RP1: variants seen among roughly 807,000 people sequenced by gnomAD.
RP1 encodes oxygen-regulated protein 1.
A neutral mutation model predicts 14.8 loss-of-function variants in RP1; 16 were observed. That is an observed-to-expected ratio of 1.08 (90% confidence interval 0.73 to 1.65). The LOEUF is 1.65. RP1 is among the 40% of genes most tolerant of loss of function. RP1 has a pLI of 0.00. For synonymous variants in RP1, 876 were observed against 883.6 expected (o/e 0.99, Z 0.15); for missense variants, 2,631 against 2,535.0 (o/e 1.04, Z -0.81).
chr8:54,832,456 ATTTTCAC>A (rs1347917138), intron 24 of RP1, among the ~76,000 whole-genome samples: 6 of 151,072 alleles, frequency 4.0e-5, no homozygotes, highest in Non-Finnish European at 7.4e-5. Flanking sequence ...TAGATCTAGG[ATTTTCAC>A]TTTTTTAATA....
Position 54,618,790 on chromosome 8 carries a change from A to G in RP1, c.-12-2165A>G, listed in dbSNP as rs540573542. On this transcript the variant is annotated intron_variant, in intron 1 of 3. Coordinates refer to ENST00000220676, the MANE Select transcript of RP1 (RefSeq NM_006269.2). ...CCTGCCTCAGCCTCCCGAGTAGAGT[A>G]GCTGGGACTACAAGCACACGCCACC... 3.3e-5 allele frequency among the ~76,000 whole-genome samples: 5 copies of G among 152,202 alleles called. No homozygotes were observed. The East Asian group carries it at 7.7e-4, about 24-fold the overall frequency.
intron 1 of RP1, among the ~76,000 whole-genome samples, chr8:54,608,885 G>C (rs543845210): frequency 6.6e-6 from 1 of 152,256 alleles, no homozygotes; most frequent in South Asian, 2.1e-4. Context: ...TGAAGATGGG[G>C]GCTGGGACTG....
chr8:54,864,678 A>G (rs1009811426), intron 27 of RP1, among the ~76,000 whole-genome samples: 5 of 152,194 alleles, frequency 3.3e-5, no homozygotes, highest in Admixed American at 3.3e-4. Context: ...TGAAGGGGAA[A>G]GGTTAATTCT....
intron 24 of RP1, among the ~76,000 whole-genome samples, chr8:54,828,766 G>A (rs1244968715): frequency 6.6e-6 from 1 of 151,620 alleles, no homozygotes. Flanking sequence ...CCACAAACAC[G>A]TGAGTAATGT....
chr8:54,613,488 T>C (rs577371106), upstream of RP1, among the ~76,000 whole-genome samples: 5 of 152,248 alleles, frequency 3.3e-5, 1 homozygote, highest in South Asian at 6.2e-4. Context: ...ATATATAAGG[T>C]ATTGAGCTGT....
chr8:54,662,792 C>T (rs1388869573), intron 6 of RP1, among the ~76,000 whole-genome samples: 1 of 152,050 alleles, frequency 6.6e-6, no homozygotes, highest in Non-Finnish European at 1.5e-5. Flanking sequence ...GGTCTTCTTC[C>T]CCATTCCTCC....
intron 17 of RP1, among the ~76,000 whole-genome samples, chr8:54,733,383 T>G (rs749404854): frequency 6.6e-6 from 1 of 152,188 alleles, no homozygotes; most frequent in Non-Finnish European, 1.5e-5. Flanking sequence ...CCACAGAGAT[T>G]ACCCAGAGCT....
chr8:54,843,298 T>C (rs1330148906), intron 25 of RP1, among the ~76,000 whole-genome samples: 1 of 152,172 alleles, frequency 6.6e-6, no homozygotes, highest in Non-Finnish European at 1.5e-5. Flanking sequence ...GCCAGGCTGG[T>C]CTCAAACTCC....
intron 12 of RP1, among the ~76,000 whole-genome samples, chr8:54,682,635 T>A (rs1350944038): frequency 6.6e-6 from 1 of 152,016 alleles, no homozygotes; most frequent in East Asian, 1.9e-4. Flanking sequence ...TTAATTTACA[T>A]TTCTCTAATG....
chr8:54,827,705 C>T (rs911894629), intron 24 of RP1, among the ~76,000 whole-genome samples: 4 of 152,054 alleles, frequency 2.6e-5, no homozygotes, highest in African/African-American at 9.7e-5. Flanking sequence ...CCAGACCAGC[C>T]TGGCCAACAC....
chr8:54,771,345 G>A (rs762969188), downstream of RP1, among the ~76,000 whole-genome samples: 1 of 151,968 alleles, frequency 6.6e-6, no homozygotes, highest in Non-Finnish European at 1.5e-5. Context: ...ACTTGGTGGG[G>A]CATATGTGGG....
chr8:54,732,919 T>C (rs1808827587), intron 17 of RP1, among the ~76,000 whole-genome samples: 1 of 152,180 alleles, frequency 6.6e-6, no homozygotes, highest in South Asian at 2.1e-4. Context: ...TTACTTCCTG[T>C]GTAACTCTGG....
chr8:54,787,079 C>T (rs1810337049), intron 24 of RP1, among the ~76,000 whole-genome samples: 2 of 152,116 alleles, frequency 1.3e-5, no homozygotes, highest in South Asian at 4.1e-4. Flanking sequence ...GAAGAGGATT[C>T]TAGTTTTAAA....
intron 1 of RP1, among the ~76,000 whole-genome samples, chr8:54,620,300 CTATGTTTAGA>C (rs774221782): frequency 7.2e-5 from 11 of 152,302 alleles, no homozygotes; most frequent in East Asian, 1.9e-4. Context: ...TATACCTTTT[CTATGTTTAGA>C]TATGTTTAGA....
intron 1 of RP1, among the ~76,000 whole-genome samples, chr8:54,589,018 G>GGT (rs145795002): frequency 7.9e-5 from 12 of 151,696 alleles, no homozygotes; most frequent in South Asian, 2.1e-4. Context: ...TTCACTTCCA[G>GGT]GTGTGTGTGT....
intron 24 of RP1, among the ~76,000 whole-genome samples, chr8:54,802,170 A>C (rs758690947): frequency 1.3e-5 from 2 of 152,196 alleles, no homozygotes; most frequent in Non-Finnish European, 2.9e-5. Context: ...AAGAAAATAA[A>C]TAATATAGAC....
chr8:54,823,491 A>G (rs1387060488), intron 24 of RP1, among the ~76,000 whole-genome samples: 1 of 151,856 alleles, frequency 6.6e-6, no homozygotes, highest in African/African-American at 2.4e-5. Context: ...GCACCACACC[A>G]GCTAATTTTT....
chr8:54,655,493 C>T (rs1806736490), intron 5 of RP1, among the ~76,000 whole-genome samples: 1 of 151,790 alleles, frequency 6.6e-6, no homozygotes, highest in East Asian at 1.9e-4. Flanking sequence ...TGCTAAGGAT[C>T]CAAAGGGGGA....
chr8:54,655,203 T>G (rs563584253), intron 5 of RP1, among the ~76,000 whole-genome samples: 1 of 152,288 alleles, frequency 6.6e-6, no homozygotes, highest in South Asian at 2.1e-4. Flanking sequence ...TTTAAAGTAA[T>G]TTTGAATATT....
Sources: allele counts gnomAD v4.1 joint callset (sites outside exome capture counted in the v4.1 genomes callset), GRCh38; gene constraint gnomAD v4.1.1; transcripts MANE v1.5; gene names NCBI Gene and HGNC (gene_info 2026-07-23, HGNC 2026-07-21).